Variants in HDAC9 observed in about 807,000 individuals in gnomAD.
HDAC9 encodes histone deacetylase 9.
HDAC9 carries 41 observed loss-of-function variants against 139.4 expected under a neutral mutation model. That is an observed-to-expected ratio of 0.29 (90% confidence interval 0.23 to 0.38). HDAC9 has a LOEUF of 0.38. HDAC9 is among the 10% of genes least tolerant of loss of function. The pLI is 1.00. For missense variants in HDAC9, 1,147 were observed against 1,297.0 expected (o/e 0.88, Z 1.78); for synonymous variants, 517 against 476.2 (o/e 1.09, Z -1.12).
chr7:18,701,438 A>G (rs754875372), intron 12 of HDAC9, among the ~76,000 whole-genome samples: 2 of 151,462 alleles, frequency 1.3e-5, no homozygotes, highest in Non-Finnish European at 2.9e-5. Flanking sequence ...ACACAACTGT[A>G]CTATAGTACC....
intron 22 of HDAC9, among the ~76,000 whole-genome samples, chr7:18,876,245 A>G (rs917137065): frequency 3.9e-5 from 6 of 152,152 alleles, no homozygotes; most frequent in African/African-American, 1.2e-4. Flanking sequence ...CCATTTACAT[A>G]TATCTATTCA....
chr7:18,922,135 G>A (rs71524260), intron 22 of HDAC9, among the ~76,000 whole-genome samples: 25,692 of 150,666 alleles, frequency 0.17, 2,579 homozygotes, highest in East Asian at 0.36. Flanking sequence ...GCTAAATGAC[G>A]AGTTAATGGG....
chr7:18,155,575 A>G (rs1232140011), intron 1 of HDAC9, among the ~76,000 whole-genome samples: 1 of 152,190 alleles, frequency 6.6e-6, no homozygotes, highest in African/African-American at 2.4e-5. Flanking sequence ...TAACCTCCCA[A>G]GCTGCGTTCC....
intron 17 of HDAC9, among the ~76,000 whole-genome samples, chr7:18,826,828 A>T (rs748639784): frequency 4.0e-5 from 6 of 150,942 alleles, no homozygotes; most frequent in Non-Finnish European, 5.9e-5. Flanking sequence ...GATGCCCTAA[A>T]TTTTTTTTTC....
At chr7:18,776,913 T>G (rs2588596) in intron 16 of HDAC9, among the ~76,000 whole-genome samples, 37,744 of 151,888 alleles carry the variant, frequency 0.25, 5,583 homozygotes, top group East Asian at 0.61. Flanking sequence ...TAAAGATCTG[T>G]GTGTCTAGAG....
At chr7:18,597,540 A>G (rs754095769) in intron 6 of HDAC9, among the ~76,000 whole-genome samples, 7 of 151,974 alleles carry the variant, frequency 4.6e-5, no homozygotes, top group Non-Finnish European at 8.8e-5. Flanking sequence ...AATAGTACAT[A>G]TTTCCTGGCA....
At chr7:18,964,904 G>C (rs1298757862) in intron 24 of HDAC9, among the ~76,000 whole-genome samples, 1 of 152,184 alleles carries the variant, frequency 6.6e-6, no homozygotes, top group Non-Finnish European at 1.5e-5. Context: ...GGGGCACAAA[G>C]CCTAACCATA....
chr7:18,697,176 A>G (rs917274050), intron 12 of HDAC9, among the ~76,000 whole-genome samples: 10 of 152,202 alleles, frequency 6.6e-5, no homozygotes, highest in Non-Finnish European at 1.5e-4. Context: ...CTTCAGCAGT[A>G]GTAAATCTGG....
intron 1 of HDAC9, among the ~76,000 whole-genome samples, chr7:18,102,953 A>G (rs1403739598): frequency 2.0e-5 from 3 of 152,312 alleles, no homozygotes; most frequent in African/African-American, 7.2e-5. Context: ...GGCCTAGGAC[A>G]GTGTATTAAT....
chr7:18,202,805 G>C (rs1034829179), intron 2 of HDAC9, among the ~76,000 whole-genome samples: 3 of 152,172 alleles, frequency 2.0e-5, no homozygotes, highest in African/African-American at 7.2e-5. Flanking sequence ...AAATAGCATA[G>C]AAGTTGTCAC....
chr7:18,159,820 A>G lies in HDAC9; in HGVS notation c.-96-2409A>G, dbSNP rs577085381. Among the ~76,000 whole-genome samples the G allele has an allele frequency of 1.4e-4, 21 of 152,350 alleles. No individual in the cohort carries two copies. In the South Asian group the frequency reaches 3.7e-3, roughly 27 times the overall value. ...AAAAGAGTATTCAGATAACATTTTC[A>G]TAAATGTTAGACCAATGTGTCATGT... On this transcript the variant is annotated intron_variant, in intron 1 of 12. Coordinates refer to the HDAC9 transcript ENST00000417496.
At chr7:18,829,245 C>CA in intron 18 of HDAC9, 29 bp downstream of exon 18, 1 of 1,571,754 alleles carries the variant, frequency 6.4e-7, no homozygotes, top group Non-Finnish European at 8.8e-7. Context: ...TGCCCATCTC[C>CA]AAGCACCACG....
chr7:18,260,891 T>C (rs1230329341), intron 2 of HDAC9, among the ~76,000 whole-genome samples: 3 of 152,172 alleles, frequency 2.0e-5, no homozygotes, highest in African/African-American at 7.2e-5. Context: ...ACTTTAGAAG[T>C]CATAAAGAGC....
Position 18,359,160 on chromosome 7 carries a change from G to A in HDAC9, c.-42+68645G>A, listed in dbSNP as rs550635960. On this transcript the variant is annotated intron_variant, in intron 1 of 3. Coordinates refer to the HDAC9 transcript ENST00000413509. The stretch of plus-strand genomic sequence containing the variant: ...TACATGATGTCAGGAGTTCAATATC[G>A]GCCCAGACAACATGGCAAAACCCCA... Among the ~76,000 whole-genome samples the A allele has an allele frequency of 3.9e-5, 6 of 152,058 alleles. No individual in the cohort carries two copies. In the East Asian group the frequency reaches 7.8e-4, roughly 20 times the overall value.
intron 23 of HDAC9, among the ~76,000 whole-genome samples, chr7:18,950,842 A>G (rs1191893503): frequency 6.6e-6 from 1 of 151,978 alleles, no homozygotes; most frequent in Non-Finnish European, 1.5e-5. Context: ...CAGAAATATT[A>G]AAATACTTGG....
At chr7:18,559,876 C>CT (rs2128702381) in intron 2 of HDAC9, among the ~76,000 whole-genome samples, 2 of 152,294 alleles carry the variant, frequency 1.3e-5, no homozygotes, top group South Asian at 4.1e-4. Context: ...GTAATGCTGG[C>CT]TATACCACCT....
intron 21 of HDAC9, among the ~76,000 whole-genome samples, chr7:18,859,298 A>C (rs1797912704): frequency 6.6e-6 from 1 of 152,056 alleles, no homozygotes; most frequent in Non-Finnish European, 1.5e-5. Context: ...CTCCAACATA[A>C]ACTATTTTTT....
intron 1 of HDAC9, among the ~76,000 whole-genome samples, chr7:18,356,164 T>A (rs745557066): frequency 6.6e-6 from 1 of 151,958 alleles, no homozygotes; most frequent in Non-Finnish European, 1.5e-5. Context: ...TCAGACAGAA[T>A]CATTATTTGC....
chr7:18,183,052 C>T (rs963846251), intron 2 of HDAC9, among the ~76,000 whole-genome samples: 2 of 151,438 alleles, frequency 1.3e-5, no homozygotes, highest in Non-Finnish European at 2.9e-5. Flanking sequence ...CTCTGTTGCC[C>T]GTGCTGGAGT....
Sources: gnomAD v4.1 joint callset for allele counts (sites outside exome capture counted in the v4.1 genomes callset) on GRCh38, gnomAD v4.1.1 for gene constraint, MANE v1.5 for transcripts, NCBI Gene and HGNC (gene_info 2026-07-23, HGNC 2026-07-21) for gene names.